Variants in PEX5L observed in about 807,000 individuals in gnomAD.
PEX5L encodes the protein PEX5-related protein.
A neutral mutation model predicts 84.0 loss-of-function variants in PEX5L; 30 were observed. The ratio of observed to expected loss-of-function variants is 0.36; its 90% CI spans 0.27 to 0.48. The LOEUF (loss-of-function observed/expected upper bound fraction) is 0.48, where lower values mean the gene tolerates loss of function less well. Among genes scored for constraint, PEX5L ranks in the 20% least tolerant of loss-of-function variants. PEX5L has a pLI of 0.99. For missense variants in PEX5L, 533 were observed against 754.6 expected (o/e 0.71, Z 3.44); for synonymous variants, 270 against 283.1 (o/e 0.95, Z 0.46).
chr3:179,945,643 T>C (rs1225438838), intron 2 of PEX5L, among the ~76,000 whole-genome samples: 4 of 152,110 alleles, frequency 2.6e-5, no homozygotes, highest in African/African-American at 9.7e-5. Flanking sequence ...GAAAGGTCAA[T>C]AAACATTTAA....
At chr3:179,891,670 C>G (rs545506398) in intron 3 of PEX5L, among the ~76,000 whole-genome samples, 64 of 152,268 alleles carry the variant, frequency 4.2e-4, no homozygotes, top group Non-Finnish European at 6.8e-4. Context: ...AAATACCTAT[C>G]TAAAATGGTC....
chr3:179,946,638 CAGAAG>C (rs1227795478), intron 2 of PEX5L, among the ~76,000 whole-genome samples: 4 of 152,176 alleles, frequency 2.6e-5, no homozygotes, highest in African/African-American at 9.7e-5. Flanking sequence ...ACTCAAAAAG[CAGAAG>C]CTCTAGTGAG....
At chr3:179,926,092 G>A (rs901657616) in intron 2 of PEX5L, among the ~76,000 whole-genome samples, 12 of 151,916 alleles carry the variant, frequency 7.9e-5, no homozygotes, top group Non-Finnish European at 1.3e-4. Context: ...ATTATCCCAC[G>A]TTCTCTTTTT....
Position 179,795,737 on chromosome 3 carries a change from CAGA to C in PEX5L, c.*6088_*6090del, listed in dbSNP as rs778582606. 3.3e-5 allele frequency: 5 copies of C among 152,108 alleles called. No individual in the cohort carries two copies. The highest frequency in any genetic ancestry group is 9.7e-5 in the African/African-American group (4 of 41,416). The allele number at this position is 152,108 out of a possible 1,614,324, so 9.4% of individuals were successfully genotyped here. On this transcript the variant is annotated 3_prime_UTR_variant, in exon 15 of 15. Transcript: ENST00000467460. Reference sequence around the variant, plus strand: ...TTATGAGCATGAGGAGGAAGCATCACAGAAGAATTGTCTCAAAACAACATTTTT... The same window carrying C: ...TTATGAGCATGAGGAGGAAGCATCACAGAATTGTCTCAAAACAACATTTTT...
At chr3:179,889,086 ATTT>A (rs1276586003) in intron 3 of PEX5L, among the ~76,000 whole-genome samples, 1 of 152,072 alleles carries the variant, frequency 6.6e-6, no homozygotes, top group Non-Finnish European at 1.5e-5. Flanking sequence ...CAATCTCTAG[ATTT>A]TTTAAGAACT....
chr3:179,969,216 C>T (rs1478199635), intron 2 of PEX5L, among the ~76,000 whole-genome samples: 2 of 152,002 alleles, frequency 1.3e-5, no homozygotes, highest in African/African-American at 2.4e-5. Context: ...TTTGGCACCA[C>T]TTACTGAAAA....
At chr3:179,941,264 G>T (rs1446806328) in intron 2 of PEX5L, among the ~76,000 whole-genome samples, 1 of 152,118 alleles carries the variant, frequency 6.6e-6, no homozygotes, top group Non-Finnish European at 1.5e-5. Context: ...GCATTTATAC[G>T]TTCACATTGT....
At chr3:180,006,337 T>C (rs1175721097) in intron 1 of PEX5L, among the ~76,000 whole-genome samples, 1 of 143,954 alleles carries the variant, frequency 6.9e-6, no homozygotes, top group Non-Finnish European at 1.5e-5. Flanking sequence ...CCTGAAGTAG[T>C]GAAAAAAAAA....
chr3:179,831,784 G>C (rs1379262672), intron 8 of PEX5L, among the ~76,000 whole-genome samples: 1 of 152,188 alleles, frequency 6.6e-6, no homozygotes, highest in Non-Finnish European at 1.5e-5. Context: ...ATTTCCAGTA[G>C]GAGGAACAGC....
At chr3:179,987,158 C>T (rs1168718517) in intron 1 of PEX5L, among the ~76,000 whole-genome samples, 3 of 152,126 alleles carry the variant, frequency 2.0e-5, no homozygotes, top group Non-Finnish European at 4.4e-5. Flanking sequence ...TAATACATGT[C>T]AGCTGCTTAG....
chr3:179,945,300 A>G (rs1161755096), intron 2 of PEX5L, among the ~76,000 whole-genome samples: 1 of 152,190 alleles, frequency 6.6e-6, no homozygotes, highest in Admixed American at 6.5e-5. Context: ...TTCCTGAATG[A>G]TGACTCAGGT....
intron 1 of PEX5L, among the ~76,000 whole-genome samples, chr3:179,976,829 A>G: frequency 6.6e-6 from 1 of 152,210 alleles, no homozygotes; most frequent in African/African-American, 2.4e-5. Flanking sequence ...TGGGAAATGT[A>G]TAACTGTTTC....
intron 5 of PEX5L, among the ~76,000 whole-genome samples, chr3:179,877,812 A>G (rs899794433): frequency 2.0e-5 from 3 of 151,900 alleles, no homozygotes; most frequent in Non-Finnish European, 4.4e-5. Context: ...TTATTTGTAC[A>G]ACTGAATAAA....
At chr3:179,850,223 T>G (rs549247568) in intron 8 of PEX5L, among the ~76,000 whole-genome samples, 48 of 152,012 alleles carry the variant, frequency 3.2e-4, no homozygotes, top group African/African-American at 1.1e-3. Flanking sequence ...GTGTCCTGGG[T>G]TCAAGTGATT....
chr3:179,828,737 A>C lies in PEX5L; in HGVS notation c.823-8761T>G, dbSNP rs113255876. On this transcript the variant is annotated intron_variant, in intron 8 of 14. Coordinates refer to ENST00000467460, the MANE Select transcript of PEX5L (RefSeq NM_016559.3). Reference sequence around the variant, plus strand: ...TGAGATAAAGCCTTAGTGTATGAGCATCTAAAGTTCCACAAAAACAGAGAC... The same window carrying C: ...TGAGATAAAGCCTTAGTGTATGAGCCTCTAAAGTTCCACAAAAACAGAGAC... 7.3e-3 allele frequency among the ~76,000 whole-genome samples: 1,112 copies of C among 152,198 alleles called. 14 individuals are homozygous for C. Among genetic ancestry groups the C allele is most frequent in the African/African-American group, 0.026 (1,060 of 41,522 alleles).
At chr3:179,887,320 G>C (rs985038414) in intron 4 of PEX5L, among the ~76,000 whole-genome samples, 4 of 151,936 alleles carry the variant, frequency 2.6e-5, no homozygotes, top group African/African-American at 9.7e-5. Flanking sequence ...AATATTTCCA[G>C]AAATAATTGG....
intron 2 of PEX5L, among the ~76,000 whole-genome samples, chr3:179,966,100 T>A (rs1349595591): frequency 6.6e-6 from 1 of 152,182 alleles, no homozygotes; most frequent in Non-Finnish European, 1.5e-5. Flanking sequence ...TTCATTCAAT[T>A]ATTTTTCATC....
intron 7 of PEX5L, among the ~76,000 whole-genome samples, chr3:179,864,043 A>C (rs1297500088): frequency 2.0e-5 from 3 of 152,062 alleles, no homozygotes; most frequent in African/African-American, 7.2e-5. Flanking sequence ...CATCCATGTA[A>C]GATATGACTT....
intron 1 of PEX5L, among the ~76,000 whole-genome samples, chr3:179,998,839 T>C (rs9849079): frequency 0.2 from 30,353 of 152,152 alleles, 4,740 homozygotes; most frequent in African/African-American, 0.44. Context: ...GCCTTCTCTC[T>C]TCCAGCCTGC....
Sources: allele counts gnomAD v4.1 joint callset (sites outside exome capture counted in the v4.1 genomes callset), GRCh38; gene constraint gnomAD v4.1.1; transcripts MANE v1.5; gene names NCBI Gene and HGNC (gene_info 2026-07-23, HGNC 2026-07-21).